DLGAP2: variants seen among roughly 807,000 people sequenced by gnomAD.
DLGAP2 encodes the protein disks large-associated protein 2.
A neutral mutation model predicts 100.3 loss-of-function variants in DLGAP2; 26 were observed. The ratio of observed to expected loss-of-function variants is 0.26; its 90% CI spans 0.19 to 0.36. The LOEUF (loss-of-function observed/expected upper bound fraction) is 0.36. Among genes scored for constraint, DLGAP2 ranks in the 10% least tolerant of loss-of-function variants. The pLI is 1.00. For synonymous variants in DLGAP2, 886 were observed against 630.1 expected, an observed-to-expected ratio of 1.41 and a Z score of -6.08; for missense variants, 1,858 against 1,453.2, an observed-to-expected ratio of 1.28 and a Z score of -4.53.
chr8:1,499,704 T>C (rs936821085), intron 3 of DLGAP2, among the ~76,000 whole-genome samples: 1 of 152,260 alleles, frequency 6.6e-6, no homozygotes, highest in African/African-American at 2.4e-5. Context: ...TAGCTATTTC[T>C]TATACATGTG....
intron 2 of DLGAP2, among the ~76,000 whole-genome samples, chr8:994,617 G>C (rs146353904): frequency 6.6e-6 from 1 of 152,152 alleles, no homozygotes; most frequent in Non-Finnish European, 1.5e-5. Flanking sequence ...ACGGTAGGTG[G>C]GAGGGCTTGG....
chr8:1,433,956 C>G (rs1323230935), intron 3 of DLGAP2, among the ~76,000 whole-genome samples: 1 of 152,046 alleles, frequency 6.6e-6, no homozygotes, highest in Admixed American at 6.6e-5. Context: ...AACCACAAGC[C>G]AAGATTCTTT....
chr8:1,288,587 A>AGTGTGT (rs1156600747), intron 3 of DLGAP2, among the ~76,000 whole-genome samples: 1 of 119,700 alleles, frequency 8.4e-6, no homozygotes, highest in Non-Finnish European at 1.7e-5. Flanking sequence ...GTTTCAGTTG[A>AGTGTGT]GTGTGTGTGT....
At chr8:1,421,699 C>T (rs960674439) in intron 3 of DLGAP2, among the ~76,000 whole-genome samples, 5 of 152,338 alleles carry the variant, frequency 3.3e-5, no homozygotes, top group Admixed American at 6.5e-5. Context: ...GGCACAGTGG[C>T]TCACGCCTGT....
In DLGAP2 at chr8:892,439, G is replaced by A. The variant is rs1166763530; in HGVS notation, c.19-15473G>A. On this transcript the variant is annotated intron_variant, in intron 1 of 14. Coordinates refer to ENST00000637795, the MANE Select transcript of DLGAP2 (RefSeq NM_001346810.2). ...GGGGACACTATGCTGAGTGGAATAA[G>A]CCAGTCACAGAAAGACCTTGCTGTG... is the stretch of plus-strand genomic sequence containing the variant. 2.6e-5 allele frequency among the ~76,000 whole-genome samples: 4 copies of A among 152,278 alleles called. No individual in the cohort carries two copies. The East Asian group carries it at 7.7e-4, about 29-fold the overall frequency.
chr8:765,998 C>A (rs1189354139), intron 1 of DLGAP2, among the ~76,000 whole-genome samples: 1 of 152,280 alleles, frequency 6.6e-6, no homozygotes, highest in African/African-American at 2.4e-5. Flanking sequence ...GAAACCCAGT[C>A]TCTACTAAAA....
intron 3 of DLGAP2, among the ~76,000 whole-genome samples, chr8:1,331,226 GAAGCCATACTGTGTGCCATAACT>G (rs1801151112): frequency 6.6e-6 from 1 of 152,212 alleles, no homozygotes; most frequent in Non-Finnish European, 1.5e-5. Context: ...TGTGCTAGTT[GAAGCCATACTGTGTGCCATAACT>G]AAGGCCGCAA....
At chr8:1,565,414 G>A in intron 5 of DLGAP2, 1 of 371,576 alleles carries the variant, frequency 2.7e-6, no homozygotes, top group South Asian at 1.0e-4. Flanking sequence ...CAGCTGCTGA[G>A]ATTGCAAGTG....
chr8:1,065,228 T>A (rs921136213), intron 2 of DLGAP2, among the ~76,000 whole-genome samples: 1 of 152,240 alleles, frequency 6.6e-6, no homozygotes, highest in African/African-American at 2.4e-5. Context: ...AAGGTCTTTT[T>A]AAAGATACAG....
Position 1,691,632 on chromosome 8 carries a change from T to G in DLGAP2, c.2796+6T>G. 6.2e-7 allele frequency: 1 copy of G among 1,612,296 alleles called. No homozygotes were observed. ...GGCTTTGCCAACAGAATATGGTAAGTGAATCCTCAGTGAACCCCTGTTCCC... is the reference window on the plus strand; with the variant it reads ...GGCTTTGCCAACAGAATATGGTAAGGGAATCCTCAGTGAACCCCTGTTCCC... On this transcript the variant is annotated splice_donor_region_variant and intron_variant, in intron 13 of 14. Coordinates refer to ENST00000637795, the MANE Select transcript of DLGAP2 (RefSeq NM_001346810.2).
At chr8:1,036,507 T>C (rs577111982) in intron 2 of DLGAP2, among the ~76,000 whole-genome samples, 2 of 152,322 alleles carry the variant, frequency 1.3e-5, no homozygotes, top group African/African-American at 4.8e-5. Flanking sequence ...GGAGGTTCTC[T>C]GCTTTGTGGA....
intron 2 of DLGAP2, among the ~76,000 whole-genome samples, chr8:1,056,564 T>C (rs1339684234): frequency 1.3e-5 from 2 of 152,240 alleles, no homozygotes; most frequent in Non-Finnish European, 2.9e-5. Flanking sequence ...CTCCAACTAA[T>C]GACTTCCAAA....
At chr8:1,280,990 C>A (rs558385018) in intron 3 of DLGAP2, among the ~76,000 whole-genome samples, 1 of 152,212 alleles carries the variant, frequency 6.6e-6, no homozygotes, top group African/African-American at 2.4e-5. Context: ...GGAATCCTTA[C>A]GATAGCTCCA....
intron 13 of DLGAP2, among the ~76,000 whole-genome samples, chr8:1,693,504 A>G (rs1799305768): frequency 6.6e-6 from 1 of 152,172 alleles, no homozygotes; most frequent in Non-Finnish European, 1.5e-5. Flanking sequence ...TTCAGACCAA[A>G]CATTTTCAGT....
chr8:841,345 TG>T (rs1433248183), intron 1 of DLGAP2, among the ~76,000 whole-genome samples: 1 of 152,192 alleles, frequency 6.6e-6, no homozygotes, highest in African/African-American at 2.4e-5. Flanking sequence ...CTTTGGCCAG[TG>T]GGGGCCTCTT....
At chr8:1,339,114 C>G (rs760398433) in intron 3 of DLGAP2, among the ~76,000 whole-genome samples, 2 of 116,728 alleles carry the variant, frequency 1.7e-5, no homozygotes, top group South Asian at 2.9e-4. Flanking sequence ...CGTCAGGACC[C>G]GGGAGGGAAT....
At chr8:905,540 C>G (rs2128998335) in intron 1 of DLGAP2, among the ~76,000 whole-genome samples, 1 of 152,236 alleles carries the variant, frequency 6.6e-6, no homozygotes, top group African/African-American at 2.4e-5. Flanking sequence ...GGTCTGATTG[C>G]CTGAGTCCAG....
chr8:1,150,429 A>G (rs1459175331), intron 2 of DLGAP2, among the ~76,000 whole-genome samples: 1 of 152,208 alleles, frequency 6.6e-6, no homozygotes, highest in South Asian at 2.1e-4. Context: ...CTGCTGTCCT[A>G]GGCATGGCTT....
At chr8:1,376,612 T>C (rs997178380) in intron 3 of DLGAP2, among the ~76,000 whole-genome samples, 2 of 151,978 alleles carry the variant, frequency 1.3e-5, no homozygotes, top group Admixed American at 1.3e-4. Flanking sequence ...GGGAGCCGGG[T>C]GACAGGGACG....
Sources: gnomAD v4.1 joint callset for allele counts (sites outside exome capture counted in the v4.1 genomes callset) on GRCh38, gnomAD v4.1.1 for gene constraint, MANE v1.5 for transcripts, NCBI Gene and HGNC (gene_info 2026-07-23, HGNC 2026-07-21) for gene names.